CLVS1: variants seen among roughly 807,000 people sequenced by gnomAD.
CLVS1 encodes the protein clavesin-1.
CLVS1 carries 10 observed loss-of-function variants against 33.1 expected under a neutral mutation model. The observed-to-expected ratio is 0.30, with a 90% CI of 0.19 to 0.51. The LOEUF (loss-of-function observed/expected upper bound fraction) is 0.51, where lower values mean the gene tolerates loss of function less well. CLVS1 is among the 20% of genes least tolerant of loss of function. The pLI is 0.97. For missense variants in CLVS1, 343 were observed against 433.4 expected, an observed-to-expected ratio of 0.79 and a Z score of 1.85; for synonymous variants, 163 against 166.1, an observed-to-expected ratio of 0.98 and a Z score of 0.14.
intron 2 of CLVS1, among the ~76,000 whole-genome samples, chr8:61,198,188 T>G (rs1807655818): frequency 6.6e-6 from 1 of 152,214 alleles, no homozygotes; most frequent in Admixed American, 6.5e-5. Flanking sequence ...TGAGAGGTAT[T>G]ATATTAATGG....
intron 3 of CLVS1, among the ~76,000 whole-genome samples, chr8:61,413,695 C>A (rs1718451778): frequency 6.6e-6 from 1 of 152,144 alleles, no homozygotes; most frequent in Non-Finnish European, 1.5e-5. Flanking sequence ...CCTTGTATGG[C>A]TTGTGTTTCA....
chr8:61,247,221 A>G (rs1249296363), intron 2 of CLVS1, among the ~76,000 whole-genome samples: 1 of 152,140 alleles, frequency 6.6e-6, no homozygotes, highest in East Asian at 1.9e-4. Context: ...GGTTGATTCC[A>G]TGTCTTTGAT....
At chr8:61,481,892 C>G (rs1818208469) in intron 5 of CLVS1, among the ~76,000 whole-genome samples, 1 of 152,222 alleles carries the variant, frequency 6.6e-6, no homozygotes, top group African/African-American at 2.4e-5. Flanking sequence ...AGTGGACAGT[C>G]TGCCTCCTCA....
rs189503605 is a variant in CLVS1 at position 61,449,930 on chromosome 8, C to T, written c.631-4211C>T. On this transcript the variant is annotated intron_variant, in intron 3 of 5. Coordinates refer to ENST00000325897, the MANE Select transcript of CLVS1 (RefSeq NM_173519.3). ...GGAATGTATGACTACTTCATCTTTG[C>T]ACAAGGAGGAAATTAATAATCATAT... 1.7e-3 allele frequency among the ~76,000 whole-genome samples: 259 copies of T among 152,270 alleles called. 1 individual carries two copies. The highest frequency in any genetic ancestry group is 6.0e-3 in the African/African-American group (248 of 41,564).
At chr8:61,284,022 A>G (rs1419947498), upstream of CLVS1, among the ~76,000 whole-genome samples, 2 of 152,230 alleles carry the variant, frequency 1.3e-5, no homozygotes, top group African/African-American at 4.8e-5. Context: ...TACACAATGG[A>G]ATACTATTTA....
intron 2 of CLVS1, among the ~76,000 whole-genome samples, chr8:61,325,501 T>G (rs2129596710): frequency 6.6e-6 from 1 of 152,268 alleles, no homozygotes; most frequent in East Asian, 1.9e-4. Context: ...TTAAAAACAT[T>G]GTGAGTTTCC....
At chr8:61,241,130 T>A (rs1380045903) in intron 2 of CLVS1, among the ~76,000 whole-genome samples, 1 of 152,162 alleles carries the variant, frequency 6.6e-6, no homozygotes, top group Non-Finnish European at 1.5e-5. Flanking sequence ...TCTGTCACCA[T>A]CACATTGGGT....
chr8:61,410,729 C>T (rs1352235619), intron 3 of CLVS1, among the ~76,000 whole-genome samples: 2 of 152,164 alleles, frequency 1.3e-5, no homozygotes, highest in Non-Finnish European at 1.5e-5. Context: ...GCAGCCTCCG[C>T]CTCCTGGGTT....
At chr8:60,984,139 TG>T in the CLVS1 span, among the ~76,000 whole-genome samples, 2 of 152,240 alleles carry the variant, frequency 1.3e-5, no homozygotes, top group Admixed American at 1.3e-4. Flanking sequence ...AGGATGACCC[TG>T]GAGGAATCAC....
Position 61,068,227 on chromosome 8 carries a change from G to GTATATATATATATATATATA in CLVS1, c.-243+10998_-243+10999insATATATATATATATATATAT, listed in dbSNP as rs761732435. Among the ~76,000 whole-genome samples, 40 of 88,288 alleles carry GTATATATATATATATATATA rather than the reference G, an allele frequency of 4.5e-4. 2 individuals are homozygous for GTATATATATATATATATATA. Among genetic ancestry groups the GTATATATATATATATATATA allele is most frequent in the African/African-American group, 1.5e-3 (38 of 25,108 alleles). 57.9% of individuals were successfully genotyped at this position (88,288 alleles called of 152,430 possible). A position where few individuals can be genotyped will look rare whatever the true frequency, so the allele number is the denominator to read the frequency against. ...TATATATATATATATATGTATGTAT[G>GTATATATATATATATATATA]TGTATATATATATATATATATGTAT... On this transcript the variant is annotated intron_variant, in intron 1 of 2. Coordinates refer to the CLVS1 transcript ENST00000522621.
At chr8:61,341,595 G>C (rs1812031101) in intron 2 of CLVS1, among the ~76,000 whole-genome samples, 1 of 152,104 alleles carries the variant, frequency 6.6e-6, no homozygotes, top group Admixed American at 6.6e-5. Flanking sequence ...TGTCTTCCTG[G>C]GAATGCACAC....
intron 3 of CLVS1, among the ~76,000 whole-genome samples, chr8:61,383,505 C>T (rs1813965428): frequency 6.6e-6 from 1 of 152,214 alleles, no homozygotes; most frequent in South Asian, 2.1e-4. Context: ...TCTAAACACT[C>T]TGGTGATGCT....
chr8:61,451,570 A>G (rs1313428995), intron 3 of CLVS1, among the ~76,000 whole-genome samples: 1 of 152,072 alleles, frequency 6.6e-6, no homozygotes, highest in Non-Finnish European at 1.5e-5. Context: ...CTGTCATTGA[A>G]CCAAGGCCTA....
At position 61,232,023 on chromosome 8, in the gene CLVS1, G is replaced by GTTTGTTTGTTTGTTTGTTTTTTTTTTT; in HGVS notation, c.-151-67651_-151-67650insGTTTGTTTGTTTGTTTTTTTTTTTTTT. Among the ~76,000 whole-genome samples, 46 of 62,652 alleles carry GTTTGTTTGTTTGTTTGTTTTTTTTTTT rather than the reference G, an allele frequency of 7.3e-4. 11 individuals carry two copies. Among genetic ancestry groups the GTTTGTTTGTTTGTTTGTTTTTTTTTTT allele is most frequent in the African/African-American group, 2.1e-3 (44 of 21,120 alleles). The allele number at this position is 62,652 out of a possible 152,430, so 41.1% of individuals were successfully genotyped here. ...AGAAGGAGCCCTGAGGAAAGTTGTG[G>GTTTGTTTGTTTGTTTGTTTTTTTTTTT]TTTTTTTTTTTTTTTTTTTTTTTTT... On this transcript the variant is annotated intron_variant, in intron 2 of 2. Coordinates refer to the CLVS1 transcript ENST00000522621.
the CLVS1 span, among the ~76,000 whole-genome samples, chr8:60,991,372 C>G: frequency 1.2e-4 from 18 of 152,250 alleles, no homozygotes; most frequent in East Asian, 3.5e-3. Flanking sequence ...AGAGGAGAAC[C>G]AAGCCAGAAA....
intron 3 of CLVS1, among the ~76,000 whole-genome samples, chr8:61,388,000 G>C (rs551523114): frequency 3.2e-4 from 49 of 152,210 alleles, no homozygotes; most frequent in Admixed American, 1.9e-3. Context: ...CGAGGAGGGG[G>C]ATTGCTGGAT....
chr8:61,208,254 A>T (rs2129306668), intron 2 of CLVS1, among the ~76,000 whole-genome samples: 1 of 152,364 alleles, frequency 6.6e-6, no homozygotes, highest in South Asian at 2.1e-4. Flanking sequence ...TTCCAGGCAC[A>T]CATGCTGATT....
chr8:61,320,992 TAAAA>T (rs955870456), intron 2 of CLVS1, among the ~76,000 whole-genome samples: 3 of 152,202 alleles, frequency 2.0e-5, no homozygotes, highest in East Asian at 1.9e-4. Context: ...TTCATTCACT[TAAAA>T]AAAACTATTG....
chr8:61,343,663 C>T (rs1812104048), intron 2 of CLVS1, among the ~76,000 whole-genome samples: 1 of 152,168 alleles, frequency 6.6e-6, no homozygotes, highest in African/African-American at 2.4e-5. Flanking sequence ...AACGAGAGCT[C>T]AGGACTGGGT....
Sources: gnomAD v4.1 joint callset for allele counts (sites outside exome capture counted in the v4.1 genomes callset) on GRCh38, gnomAD v4.1.1 for gene constraint, MANE v1.5 for transcripts, NCBI Gene and HGNC (gene_info 2026-07-23, HGNC 2026-07-21) for gene names.